The following TBC1D8 variants were observed in gnomAD, a reference collection of about 807,000 sequenced individuals.
The protein encoded by TBC1D8 is BUB2-like protein 1.
In TBC1D8, 65 loss-of-function variants were observed where a neutral mutation model predicts 118.8. That is an observed-to-expected ratio of 0.55 (90% confidence interval 0.45 to 0.67). The LOEUF (loss-of-function observed/expected upper bound fraction) is 0.67, where lower values mean the gene tolerates loss of function less well. Among genes scored for constraint, TBC1D8 ranks in the 30% least tolerant of loss-of-function variants. The pLI is 0.00. For synonymous variants in TBC1D8, 566 were observed against 595.8 expected (o/e 0.95, Z 0.73); for missense variants, 1,376 against 1,471.2 (o/e 0.94, Z 1.06).
chr2:101,010,768 G>C (rs960181995), intron 19 of TBC1D8, among the ~76,000 whole-genome samples, 161 bp downstream of exon 19: 1 of 151,730 alleles, frequency 6.6e-6, no homozygotes, highest in African/African-American at 2.4e-5. Context: ...TGTAATCCCA[G>C]CTACTCAGGA....
At chr2:101,094,615 T>C (rs1331301080) in intron 1 of TBC1D8, among the ~76,000 whole-genome samples, 1 of 152,160 alleles carries the variant, frequency 6.6e-6, no homozygotes, top group East Asian at 1.9e-4. Context: ...TAGTGACTTT[T>C]TAACTGGAAA....
intron 17 of TBC1D8, among the ~76,000 whole-genome samples, chr2:101,020,428 T>C (rs909615245): frequency 3.3e-5 from 5 of 152,210 alleles, no homozygotes; most frequent in African/African-American, 1.2e-4. Flanking sequence ...AAAACTCAAT[T>C]TGTATTGGCA....
intron 1 of TBC1D8, among the ~76,000 whole-genome samples, chr2:101,117,669 G>A (rs1199852215): frequency 4.0e-5 from 6 of 150,664 alleles, no homozygotes; most frequent in African/African-American, 1.5e-4. Flanking sequence ...TGCCTCCCGG[G>A]TTCACGCCAT....
chr2:101,113,449 G>C (rs1677692248), intron 1 of TBC1D8, among the ~76,000 whole-genome samples: 1 of 152,010 alleles, frequency 6.6e-6, no homozygotes, highest in African/African-American at 2.4e-5. Flanking sequence ...AAGATTTCTT[G>C]TTTCATGATC....
rs2105384865 is a variant in TBC1D8 at position 101,028,446 on chromosome 2, C to T, written c.2223-14G>A. The T allele has an allele frequency of 1.3e-6, 2 of 1,540,068 alleles. No homozygotes were observed. Among genetic ancestry groups the T allele is most frequent in the East Asian group, 4.5e-5 (2 of 44,252 alleles). On this transcript the variant is annotated splice_polypyrimidine_tract_variant and intron_variant, in intron 12 of 19. Transcript: ENST00000409318. ...TGATCTAGAAACCTGAACACACCGCCCCGTCAACGCCCAAGTCCATCCTCA... is the reference window on the plus strand; with the variant it reads ...TGATCTAGAAACCTGAACACACCGCTCCGTCAACGCCCAAGTCCATCCTCA...
At chr2:101,029,807 G>A (rs1573897978) in intron 11 of TBC1D8, 31 bp from the exon 12 acceptor site, 1 of 1,599,374 alleles carries the variant, frequency 6.3e-7, no homozygotes, top group Non-Finnish European at 8.5e-7. Flanking sequence ...GGCTCTGGCT[G>A]GGGTAGGACT....
chr2:101,050,123 G>A (rs372485216), intron 5 of TBC1D8, among the ~76,000 whole-genome samples: 26 of 152,110 alleles, frequency 1.7e-4, no homozygotes, highest in Non-Finnish European at 2.8e-4. Context: ...CACCGCAACC[G>A]GCCCTACCCT....
At chr2:101,110,126 C>A (rs920523407) in intron 1 of TBC1D8, 3 of 583,314 alleles carry the variant, frequency 5.1e-6, no homozygotes, top group Non-Finnish European at 6.5e-6. Flanking sequence ...TAGAGGCCTA[C>A]TAATAATTTG....
intron 11 of TBC1D8, among the ~76,000 whole-genome samples, chr2:101,030,507 A>G (rs1680607204): frequency 6.6e-6 from 1 of 152,222 alleles, no homozygotes; most frequent in South Asian, 2.1e-4. Flanking sequence ...GATGAACATT[A>G]CCAAGTTTTA....
At chr2:101,117,568 C>CTTTTT (rs201852112) in intron 1 of TBC1D8, among the ~76,000 whole-genome samples, 7 of 119,698 alleles carry the variant, frequency 5.8e-5, no homozygotes, top group Non-Finnish European at 8.5e-5. Flanking sequence ...GGAGGCAGAA[C>CTTTTT]TTTTTTTTTT....
intron 1 of TBC1D8, among the ~76,000 whole-genome samples, chr2:101,114,700 T>C (rs980407196): frequency 6.6e-6 from 1 of 152,250 alleles, no homozygotes; most frequent in African/African-American, 2.4e-5. Context: ...TTTTTGTTTT[T>C]ACTTTGTTCT....
At chr2:101,133,339 T>C (rs1169197387) in intron 1 of TBC1D8, among the ~76,000 whole-genome samples, 1 of 151,998 alleles carries the variant, frequency 6.6e-6, no homozygotes, top group African/African-American at 2.4e-5. Flanking sequence ...TTTGTGTGAG[T>C]CCATTTGCCA....
intron 1 of TBC1D8, among the ~76,000 whole-genome samples, chr2:101,116,069 G>A (rs1437379381): frequency 2.0e-5 from 3 of 152,068 alleles, no homozygotes; most frequent in Admixed American, 6.5e-5. Context: ...CTATAAGAAC[G>A]GAAACAAAAA....
chr2:101,035,223 ACCT>A (rs1680932809), intron 9 of TBC1D8, among the ~76,000 whole-genome samples: 1 of 152,038 alleles, frequency 6.6e-6, no homozygotes, highest in Non-Finnish European at 1.5e-5. Context: ...GGACCCTCTC[ACCT>A]GGCCTCCCAC....
At chr2:101,055,666 C>T (rs1467750067) in intron 3 of TBC1D8, among the ~76,000 whole-genome samples, 1 of 152,106 alleles carries the variant, frequency 6.6e-6, no homozygotes, top group Non-Finnish European at 1.5e-5. Flanking sequence ...AAGCTTGTGG[C>T]CTATTTGTTC....
intron 2 of TBC1D8, among the ~76,000 whole-genome samples, chr2:101,070,662 A>C (rs1442771525): frequency 6.6e-6 from 1 of 151,632 alleles, no homozygotes; most frequent in Non-Finnish European, 1.5e-5. Context: ...ATCTGCCTGC[A>C]TCAGCCTCCC....
chr2:101,038,566 A>G lies in TBC1D8; in HGVS notation c.1170T>C (p.Ile390=). The change falls in exon 7 of 20, where the codon ATT becomes ATC. Residue 390 remains isoleucine (I), a synonymous_variant. Transcript: ENST00000409318. ...SIRSKVAFQF[I]ELRDRDSLVE... ...CCAGGCTGTCTCGGTCCCGGAGCTC[A>G]ATGAACTGGAAGGCCACCTTGCTTC... 1 of 1,613,818 alleles carries G rather than the reference A, an allele frequency of 6.2e-7. No homozygotes were observed. The highest frequency in any genetic ancestry group is 8.5e-7 in the Non-Finnish European group (1 of 1,179,802).
intron 13 of TBC1D8, 77 bp downstream of exon 13, chr2:101,028,226 T>TTCCACATCCA: frequency 6.3e-7 from 1 of 1,596,568 alleles, no homozygotes; most frequent in Non-Finnish European, 8.5e-7. Flanking sequence ...AGGAACCTCC[T>TTCCACATCCA]TCCACATCCA....
At chr2:101,129,901 T>C (rs1678514995) in intron 1 of TBC1D8, among the ~76,000 whole-genome samples, 1 of 141,280 alleles carries the variant, frequency 7.1e-6, no homozygotes, top group Admixed American at 7.2e-5. Flanking sequence ...CGAGACTCTG[T>C]CTCAAAAAAA....
Sources: gnomAD v4.1 joint callset for allele counts (sites outside exome capture counted in the v4.1 genomes callset) on GRCh38, gnomAD v4.1.1 for gene constraint, MANE v1.5 for transcripts, NCBI Gene and HGNC (gene_info 2026-07-23, HGNC 2026-07-21) for gene names.